The following LRRC69 variants were observed in gnomAD, a reference collection of about 807,000 sequenced individuals.
LRRC69 encodes leucine-rich repeat-containing protein 69.
Under a neutral mutation model 37.8 loss-of-function variants are expected in LRRC69, and 42 were observed. The observed-to-expected ratio is 1.11, with a 90% CI of 0.87 to 1.44. The LOEUF (loss-of-function observed/expected upper bound fraction) is 1.44. Among genes scored for constraint, LRRC69 ranks in the 40% most tolerant of loss-of-function variants. LRRC69 has a pLI of 0.00. For synonymous variants in LRRC69, 141 were observed against 143.1 expected (o/e 0.99, Z 0.11); for missense variants, 357 against 401.9 (o/e 0.89, Z 0.96).
intron 5 of LRRC69, among the ~76,000 whole-genome samples, chr8:91,138,023 C>T (rs1808451101): frequency 6.6e-6 from 1 of 151,952 alleles, no homozygotes; most frequent in Non-Finnish European, 1.5e-5. Flanking sequence ...TAATCTCAAA[C>T]AAGTTGCTTC....
At chr8:91,175,917 C>G (rs914972539) in intron 5 of LRRC69, among the ~76,000 whole-genome samples, 4 of 150,730 alleles carry the variant, frequency 2.7e-5, no homozygotes, top group Admixed American at 1.3e-4. Flanking sequence ...TGGCGTATTT[C>G]CTTCTTCTCC....
chr8:91,135,510 G>C (rs2130519144), intron 4 of LRRC69, among the ~76,000 whole-genome samples, 158 bp from the exon 5 acceptor site: 1 of 152,074 alleles, frequency 6.6e-6, no homozygotes, highest in African/African-American at 2.4e-5. Flanking sequence ...CCAGGATATG[G>C]GGGTCTGCTC....
chr8:91,210,574 C>T (rs1439610329), intron 7 of LRRC69, among the ~76,000 whole-genome samples: 1 of 143,360 alleles, frequency 7.0e-6, no homozygotes, highest in African/African-American at 2.9e-5. Context: ...CACACACACA[C>T]ACACACACAC....
intron 5 of LRRC69, among the ~76,000 whole-genome samples, chr8:91,166,913 G>A (rs1166339720): frequency 6.6e-6 from 1 of 151,900 alleles, no homozygotes; most frequent in Non-Finnish European, 1.5e-5. Context: ...CAGACACAGA[G>A]CTGGTTATAG....
chr8:91,127,027 A>T, intron 2 of LRRC69, 61 bp from the exon 3 acceptor site: 1 of 1,320,052 alleles, frequency 7.6e-7, no homozygotes, highest in Non-Finnish European at 1.1e-6. Context: ...GTAGAAAAGT[A>T]GAAAAGTGAC....
At chr8:91,189,899 C>A (rs767519946) in intron 6 of LRRC69, among the ~76,000 whole-genome samples, 1 of 152,084 alleles carries the variant, frequency 6.6e-6, no homozygotes, top group African/African-American at 2.4e-5. Context: ...TTAGCCTTTT[C>A]AGTGTTATTT....
At chr8:91,195,407 TTC>T (rs1229026922) in intron 6 of LRRC69, among the ~76,000 whole-genome samples, 3 of 151,694 alleles carry the variant, frequency 2.0e-5, no homozygotes, top group Admixed American at 6.6e-5. Flanking sequence ...CTTGTTGACT[TTC>T]TGTCTTGTTG....
At chr8:91,142,494 G>T (rs961506919) in intron 5 of LRRC69, among the ~76,000 whole-genome samples, 1 of 152,008 alleles carries the variant, frequency 6.6e-6, no homozygotes, top group African/African-American at 2.4e-5. Flanking sequence ...CCTGTTTGGA[G>T]CTGAGGATAT....
In LRRC69 at chr8:91,207,514, T is replaced by A. The variant is rs73305607; in HGVS notation, c.933+6722T>A. Among the ~76,000 whole-genome samples the A allele has an allele frequency of 2.2e-3, 331 of 152,310 alleles. 2 individuals are homozygous for A. The highest frequency in any genetic ancestry group is 7.6e-3 in the African/African-American group (316 of 41,570). The stretch of plus-strand genomic sequence containing the variant: ...AAGGCATCTCCAGTAAATGGGATAG[T>A]CCCTGGTTTAACCCTGGTGCCTACC... On this transcript the variant is annotated intron_variant, in intron 7 of 7. Coordinates refer to ENST00000448384, the Ensembl canonical transcript of LRRC69.
At chr8:91,157,910 A>G in intron 5 of LRRC69, 1 of 1,569,762 alleles carries the variant, frequency 6.4e-7, no homozygotes, top group Non-Finnish European at 8.8e-7. Context: ...CTCAAAGTAC[A>G]AGAAAGTTGT....
chr8:91,171,624 T>C (rs1009382189), intron 5 of LRRC69, among the ~76,000 whole-genome samples: 10 of 152,056 alleles, frequency 6.6e-5, no homozygotes, highest in African/African-American at 1.9e-4. Context: ...ATATCCACGT[T>C]GGGAAGCTGT....
intron 3 of LRRC69, among the ~76,000 whole-genome samples, chr8:91,127,680 G>T (rs1586233342): frequency 6.7e-6 from 1 of 148,254 alleles, no homozygotes; most frequent in Non-Finnish European, 1.5e-5. Context: ...TGCCTTTCTG[G>T]AGCCAGCTGA....
chr8:91,126,999 GAAGGAAAACA>G, intron 2 of LRRC69, 79 bp from the exon 3 acceptor site: 1 of 1,002,786 alleles, frequency 1.0e-6, no homozygotes, highest in South Asian at 1.4e-5. Context: ...GCAAGAACCA[GAAGGAAAACA>G]AAGGTATGTA....
At chr8:91,206,910 A>G in intron 7 of LRRC69, 6 of 1,143,758 alleles carry the variant, frequency 5.2e-6, no homozygotes, top group Non-Finnish European at 6.8e-6. Context: ...CATACATGTT[A>G]TTCCTGATCC....
At position 91,143,265 on chromosome 8, in the gene LRRC69, A is replaced by T. The variant is rs545328581; in HGVS notation, c.651+7526A>T. On this transcript the variant is annotated intron_variant, in intron 5 of 7. Transcript: ENST00000448384. ...TTCGTTTCTGAGTTTTGTCTTTTTA[A>T]AGTTCACCCTTTGCCTTGGGTGGTT... is the stretch of plus-strand genomic sequence containing the variant. Among the ~76,000 whole-genome samples, 3 of 152,150 alleles carry T rather than the reference A, an allele frequency of 2.0e-5. No homozygotes were observed. The East Asian group carries it at 5.8e-4, about 29-fold the overall frequency.
At chr8:91,195,639 C>G (rs556216668) in intron 6 of LRRC69, among the ~76,000 whole-genome samples, 2 of 152,068 alleles carry the variant, frequency 1.3e-5, no homozygotes, top group East Asian at 3.9e-4. Flanking sequence ...GGTTTAAAGT[C>G]TGTTTTATCA....
chr8:91,138,798 A>G (rs954183423), intron 5 of LRRC69: 2 of 151,974 alleles, frequency 1.3e-5, no homozygotes, highest in Admixed American at 6.6e-5. Context: ...CACGGCTGCA[A>G]TCCCAGCATT....
At chr8:91,167,691 C>T (rs752972350) in intron 5 of LRRC69, among the ~76,000 whole-genome samples, 1 of 151,926 alleles carries the variant, frequency 6.6e-6, no homozygotes, top group Non-Finnish European at 1.5e-5. Flanking sequence ...CCACCATGGC[C>T]TGTTTCAAGC....
chr8:91,153,425 A>G (rs28765195), intron 5 of LRRC69, among the ~76,000 whole-genome samples: 4,949 of 151,306 alleles, frequency 0.033, 255 homozygotes, highest in African/African-American at 0.11. Flanking sequence ...TCTCAGTGCC[A>G]CGTGGTACTT....
Sources: allele counts gnomAD v4.1 joint callset (sites outside exome capture counted in the v4.1 genomes callset), GRCh38; gene constraint gnomAD v4.1.1; transcripts MANE v1.5; gene names NCBI Gene and HGNC (gene_info 2026-07-23, HGNC 2026-07-21).